GRID2: variants seen among roughly 807,000 people sequenced by gnomAD.
GRID2 encodes the protein glutamate receptor ionotropic, delta-2.
In GRID2, 33 loss-of-function variants were observed where a neutral mutation model predicts 114.8. The ratio of observed to expected loss-of-function variants is 0.29; its 90% confidence interval spans 0.22 to 0.38. GRID2 has a LOEUF of 0.38. Ranked by LOEUF, GRID2 falls within the 10% of genes least tolerant of loss-of-function variation. The pLI, the probability that GRID2 is intolerant of heterozygous loss-of-function variation, is 1.00. For synonymous variants in GRID2, 505 were observed against 449.9 expected (o/e 1.12, Z -1.55); for missense variants, 1,184 against 1,257.7 (o/e 0.94, Z 0.89).
chr4:93,603,383 G>C (rs989844812), intron 13 of GRID2, among the ~76,000 whole-genome samples: 1 of 152,156 alleles, frequency 6.6e-6, no homozygotes, highest in Non-Finnish European at 1.5e-5. Context: ...TCACCTCTAT[G>C]AGAAACATGA....
At chr4:93,802,331 G>C (rs1230242628) in intron 1 of GRID2, among the ~76,000 whole-genome samples, 2 of 152,002 alleles carry the variant, frequency 1.3e-5, no homozygotes, top group African/African-American at 4.8e-5. Flanking sequence ...AACCAGCCCT[G>C]ACATAAACCA....
chr4:92,865,518 A>G (rs1744796224), intron 2 of GRID2, among the ~76,000 whole-genome samples: 1 of 152,176 alleles, frequency 6.6e-6, no homozygotes, highest in Admixed American at 6.6e-5. Flanking sequence ...AACTTGCCTA[A>G]TCTATAAATA....
rs189930981 is a variant in GRID2 at position 93,333,125 on chromosome 4, C to G, written c.1246-62482C>G. ...CACAAATTACAGGTAGGCCTCCCAG[C>G]CACCTGTCCCTTTAGGAAAGTAAAC... On this transcript the variant is annotated intron_variant, in intron 8 of 15. Transcript: ENST00000282020. Among the ~76,000 whole-genome samples the G allele has an allele frequency of 1.2e-4, 18 of 152,186 alleles. 1 individual carries two copies. The East Asian group carries it at 3.5e-3, about 29-fold the overall frequency.
intron 13 of GRID2, among the ~76,000 whole-genome samples, chr4:93,609,155 G>C (rs2149659685): frequency 9.0e-6 from 1 of 110,778 alleles, no homozygotes; most frequent in East Asian, 2.1e-4. Flanking sequence ...TTTTTGATGG[G>C]ATTGTTTGTT....
rs576031419 is a variant in GRID2 at position 93,022,893 on chromosome 4, CTT to C, written c.245-62101_245-62100del. Reference sequence around the variant, plus strand: ...CTCATGTTCATTTAAAAAAAATTCACTTGTGTCGTTTTTCAATTCAGAATTTA... The same window carrying C: ...CTCATGTTCATTTAAAAAAAATTCACGTGTCGTTTTTCAATTCAGAATTTA... On this transcript the variant is annotated intron_variant, in intron 2 of 15. Transcript: ENST00000282020. Among the ~76,000 whole-genome samples the C allele has an allele frequency of 3.0e-3, 456 of 151,888 alleles. 1 individual carries two copies. The highest frequency in any genetic ancestry group is 0.011 in the African/African-American group (445 of 41,472).
chr4:93,030,344 G>A (rs569753330), intron 2 of GRID2, among the ~76,000 whole-genome samples: 9 of 150,664 alleles, frequency 6.0e-5, no homozygotes, highest in East Asian at 3.9e-4. Flanking sequence ...AGTGAGGACC[G>A]TATGGTGAAC....
chr4:92,979,111 T>C (rs1754039474), intron 2 of GRID2, among the ~76,000 whole-genome samples: 1 of 152,132 alleles, frequency 6.6e-6, no homozygotes, highest in Non-Finnish European at 1.5e-5. Context: ...TATTGGTCAC[T>C]TGATATGTGG....
At chr4:92,554,097 T>G (rs1457333638) in intron 1 of GRID2, among the ~76,000 whole-genome samples, 1 of 152,120 alleles carries the variant, frequency 6.6e-6, no homozygotes, top group Admixed American at 6.6e-5. Context: ...ATTGAGAGAC[T>G]AAAGGGAGCA....
chr4:93,265,893 A>G (rs1018091297), intron 8 of GRID2, among the ~76,000 whole-genome samples: 1 of 152,142 alleles, frequency 6.6e-6, no homozygotes, highest in African/African-American at 2.4e-5. Flanking sequence ...TAGGATTATT[A>G]TCTCCTTTAA....
chr4:93,186,888 C>T (rs1046282674), intron 4 of GRID2, among the ~76,000 whole-genome samples: 2 of 152,084 alleles, frequency 1.3e-5, no homozygotes, highest in Admixed American at 6.6e-5. Context: ...TTATAAACAA[C>T]GTAAGTTTAT....
At chr4:93,610,982 C>G (rs1429856330) in intron 13 of GRID2, among the ~76,000 whole-genome samples, 2 of 133,440 alleles carry the variant, frequency 1.5e-5, no homozygotes, top group African/African-American at 6.2e-5. Flanking sequence ...ATTATTGCCA[C>G]AATTTCAGAG....
At chr4:92,800,250 T>C (rs1383593187) in intron 2 of GRID2, among the ~76,000 whole-genome samples, 1 of 151,336 alleles carries the variant, frequency 6.6e-6, no homozygotes, top group Admixed American at 6.6e-5. Context: ...GAAGATGGCA[T>C]AGCAAAGGAA....
intron 11 of GRID2, among the ~76,000 whole-genome samples, chr4:93,469,876 T>C (rs1724640691): frequency 6.6e-6 from 1 of 152,146 alleles, no homozygotes; most frequent in Non-Finnish European, 1.5e-5. Flanking sequence ...CAAATAGTTG[T>C]ATAGATTAGT....
chr4:92,438,171 T>C (rs910426457), intron 1 of GRID2, among the ~76,000 whole-genome samples: 18 of 152,156 alleles, frequency 1.2e-4, no homozygotes, highest in African/African-American at 3.6e-4. Flanking sequence ...GCCAATAAAT[T>C]TCATGAATAT....
chr4:92,756,820 T>A (rs545887358), intron 2 of GRID2, among the ~76,000 whole-genome samples: 5 of 152,234 alleles, frequency 3.3e-5, no homozygotes, highest in African/African-American at 1.2e-4. Flanking sequence ...TTTTTTTATG[T>A]TGAGTTGTTT....
intron 8 of GRID2, among the ~76,000 whole-genome samples, chr4:93,306,911 T>C (rs1755483866): frequency 6.6e-6 from 1 of 152,134 alleles, no homozygotes; most frequent in South Asian, 2.1e-4. Context: ...AATAACCTAC[T>C]GTGGGGCCAG....
intron 1 of GRID2, among the ~76,000 whole-genome samples, chr4:92,546,961 G>C (rs1269591444): frequency 2.6e-5 from 4 of 152,096 alleles, no homozygotes; most frequent in African/African-American, 9.7e-5. Context: ...ATTGTTCCTG[G>C]GTCTTTCAGT....
At chr4:92,681,069 T>C (rs150777633) in intron 2 of GRID2, among the ~76,000 whole-genome samples, 75 of 152,240 alleles carry the variant, frequency 4.9e-4, no homozygotes, top group Non-Finnish European at 7.2e-4. Context: ...CAGGAGAGAA[T>C]AGCACCACAG....
chr4:92,731,986 G>A (rs963926560), intron 2 of GRID2, among the ~76,000 whole-genome samples: 1 of 151,724 alleles, frequency 6.6e-6, no homozygotes, highest in South Asian at 2.1e-4. Context: ...AATTCTTAGG[G>A]TATGTAGTCT....
Sources: gnomAD v4.1 joint callset for allele counts (sites outside exome capture counted in the v4.1 genomes callset) on GRCh38, gnomAD v4.1.1 for gene constraint, MANE v1.5 for transcripts, NCBI Gene and HGNC (gene_info 2026-07-23, HGNC 2026-07-21) for gene names.